Variants in DYNC2H1 observed in about 807,000 individuals in gnomAD.
The protein encoded by DYNC2H1 is dynein cytoplasmic 2 heavy chain 1.
A neutral mutation model predicts 570.0 loss-of-function variants in DYNC2H1; 410 were observed. The ratio of observed to expected loss-of-function variants is 0.72; its 90% CI spans 0.66 to 0.78. The LOEUF is 0.78. Among genes scored for constraint, DYNC2H1 ranks in the 30% least tolerant of loss-of-function variants. DYNC2H1 has a pLI of 0.00. For missense variants in DYNC2H1, 4,865 were observed against 5,046.4 expected (o/e 0.96, Z 1.09); for synonymous variants, 1,688 against 1,677.6 (o/e 1.01, Z -0.15).
Position 103,129,632 on chromosome 11 carries a change from C to T in DYNC2H1, c.1953+627C>T, listed in dbSNP as rs796349827. 1.3e-5 allele frequency among the ~76,000 whole-genome samples: 2 copies of T among 151,380 alleles called. No homozygotes were observed. The highest frequency in any genetic ancestry group is 4.9e-5 in the African/African-American group (2 of 41,156). ...CCAGGAGGTGGAGGTTGCAGTGGGT[C>T]GAGATCGTGCCACTGCACTCTAGCC... On this transcript the variant is annotated intron_variant, in intron 13 of 88. Transcript: ENST00000375735. This position sits in a 1 kb window ranked among gnomAD's most constrained non-coding sequence, Gnocchi z 4.1.
At chr11:103,405,998 A>T (rs984420034) in intron 84 of DYNC2H1, among the ~76,000 whole-genome samples, 3 of 152,164 alleles carry the variant, frequency 2.0e-5, no homozygotes, top group African/African-American at 7.2e-5. Context: ...CAGGAGAAGT[A>T]GATTGAAGCC....
At chr11:103,248,930 G>T (rs1275292454) in intron 65 of DYNC2H1, among the ~76,000 whole-genome samples, 1 of 151,964 alleles carries the variant, frequency 6.6e-6, no homozygotes, top group African/African-American at 2.4e-5. Context: ...TGTTGGTTCA[G>T]AAAACAATAG....
intron 84 of DYNC2H1, among the ~76,000 whole-genome samples, chr11:103,423,370 T>TGGTACTAGAGTAATTAAATAGCCAAA (rs1943554008): frequency 7.7e-6 from 1 of 130,620 alleles, no homozygotes; most frequent in Non-Finnish European, 1.7e-5. Context: ...CTTTAACAAA[T>TGGTACTAGAGTAATTAAATAGCCAAA]GGTACTAGAG....
intron 17 of DYNC2H1, 64 bp downstream of exon 17, chr11:103,136,012 T>C: frequency 2.3e-6 from 3 of 1,329,942 alleles, no homozygotes; most frequent in Non-Finnish European, 3.0e-6. Context: ...TGAATTTACA[T>C]TAAATGTATA....
intron 84 of DYNC2H1, among the ~76,000 whole-genome samples, chr11:103,429,361 A>C (rs1307137909): frequency 6.6e-6 from 1 of 152,204 alleles, no homozygotes; most frequent in Non-Finnish European, 1.5e-5. Context: ...AGATTCAAAA[A>C]ATGATTTATG....
intron 3 of DYNC2H1, 38 bp downstream of exon 3, chr11:103,114,276 G>T: frequency 1.3e-6 from 2 of 1,509,706 alleles, no homozygotes; most frequent in South Asian, 1.3e-5. Context: ...AGTACAAAAT[G>T]ATTGTCTCAT....
chr11:103,308,094 G>T (rs1156707079), intron 78 of DYNC2H1, among the ~76,000 whole-genome samples: 3 of 147,076 alleles, frequency 2.0e-5, no homozygotes, highest in Admixed American at 7.1e-5. Context: ...TAAGTGTGTA[G>T]TGCAATATGC....
At chr11:103,415,664 G>A (rs921141355) in intron 84 of DYNC2H1, among the ~76,000 whole-genome samples, 3 of 152,194 alleles carry the variant, frequency 2.0e-5, no homozygotes, top group African/African-American at 7.2e-5. Flanking sequence ...ATGCTAGAAA[G>A]GATGTGGAGA....
chr11:103,292,481 A>G (rs1208173902), intron 75 of DYNC2H1, among the ~76,000 whole-genome samples: 1 of 152,158 alleles, frequency 6.6e-6, no homozygotes, highest in Non-Finnish European at 1.5e-5. Context: ...AATTTATTGT[A>G]GTTAGTATTT....
At chr11:103,128,233 T>C (rs577939186) in intron 12 of DYNC2H1, among the ~76,000 whole-genome samples, 1 of 152,268 alleles carries the variant, frequency 6.6e-6, no homozygotes, top group South Asian at 2.1e-4. Flanking sequence ...TATTGGGAAG[T>C]CATTAGGTTT....
chr11:103,188,134 C>T (rs2135036024), intron 43 of DYNC2H1, among the ~76,000 whole-genome samples: 1 of 152,102 alleles, frequency 6.6e-6, no homozygotes, highest in East Asian at 1.9e-4. Context: ...TATTATGTAA[C>T]TGCAGAATAT....
intron 83 of DYNC2H1, among the ~76,000 whole-genome samples, chr11:103,386,149 A>C (rs970504755): frequency 2.0e-5 from 3 of 152,224 alleles, no homozygotes; most frequent in Non-Finnish European, 4.4e-5. Context: ...ATGTTATTCA[A>C]CATTTTTGGT....
At chr11:103,267,187 A>G (rs1446302033) in intron 70 of DYNC2H1, among the ~76,000 whole-genome samples, 1 of 152,004 alleles carries the variant, frequency 6.6e-6, no homozygotes, top group Non-Finnish European at 1.5e-5. Flanking sequence ...ACTGAGGGCC[A>G]GGAACAAGTC....
Position 103,156,687 on chromosome 11 carries a change from G to A in DYNC2H1, c.4044G>A (p.Lys1348=). ...AGAATTTAAATCATATTCAGAGAAA[G>A]TGGGTGTATTTGGAACCCATTTTCG... ...YLQNLNHIQR[K]WVYLEPIFGR... is the part of the protein sequence containing the mutation. Residue 1348 remains lysine (K), a synonymous_variant, in exon 26 of 89, where the codon AAG becomes AAA. Coordinates refer to ENST00000375735, the MANE Select transcript of DYNC2H1 (RefSeq NM_001377.3). The A allele has an allele frequency of 6.2e-7, 1 of 1,613,328 alleles. No homozygotes were observed. Among genetic ancestry groups the A allele is most frequent in the Non-Finnish European group, 8.5e-7 (1 of 1,179,636 alleles).
In DYNC2H1 at chr11:103,219,954, C is replaced by T; in HGVS notation, c.8872C>T (p.His2958Tyr). 4 of 1,512,036 alleles carry T rather than the reference C, an allele frequency of 2.6e-6. No individual in the cohort carries two copies. The highest frequency in any genetic ancestry group is 3.5e-6 in the Non-Finnish European group (4 of 1,138,906). 93.7% of individuals were successfully genotyped at this position (1,512,036 alleles called of 1,614,324 possible). A position where few individuals can be genotyped will look rare whatever the true frequency, so the allele number is the denominator to read the frequency against. Reference sequence around the variant, plus strand: ...AAAAACAGAACTTGAAAGACTGAAGCACAGAATAGCAGAAGAAGTTGTTAA... The same window carrying T: ...AAAAACAGAACTTGAAAGACTGAAGTACAGAATAGCAGAAGAAGTTGTTAA... ...EQKTELERLK[H>Y]RIAEEVVKIE... is the part of the protein sequence containing the mutation. The change falls in exon 56 of 89, where the codon CAC becomes TAC. Residue 2958 changes from histidine (H) to tyrosine (Y), a missense_variant. Coordinates refer to ENST00000375735, the MANE Select transcript of DYNC2H1 (RefSeq NM_001377.3).
intron 83 of DYNC2H1, among the ~76,000 whole-genome samples, chr11:103,383,911 C>T (rs1015019257): frequency 6.6e-6 from 1 of 152,132 alleles, no homozygotes; most frequent in Non-Finnish European, 1.5e-5. Flanking sequence ...GTAACTTCAT[C>T]TTCTATGCTC....
In DYNC2H1 at chr11:103,338,387, GT is replaced by G. The variant is rs569307845; in HGVS notation, c.12039+14405del. ...TTGTGGTTCCATATAAATGTTAGGA[GT>G]TTTTTTTCTATTTCTGTGAAGAATG... On this transcript the variant is annotated intron_variant, in intron 82 of 88. Transcript: ENST00000375735. 2.0e-5 allele frequency among the ~76,000 whole-genome samples: 3 copies of G among 152,014 alleles called. No homozygotes were observed. The South Asian group carries it at 6.2e-4, about 32-fold the overall frequency.
Position 103,398,747 on chromosome 11 carries a change from T to G in DYNC2H1, c.12157-916T>G, listed in dbSNP as rs1942497581. Among the ~76,000 whole-genome samples the G allele has an allele frequency of 2.0e-5, 3 of 151,978 alleles. No individual in the cohort carries two copies. The South Asian group carries it at 6.2e-4, about 32-fold the overall frequency. On this transcript the variant is annotated intron_variant, in intron 83 of 88. Transcript: ENST00000375735. ...CTTTTAATTATTGAAAGTGATTTTTTTTCTCTTAATAAGCTGTTTGGAAAC... is the reference window on the plus strand; with the variant it reads ...CTTTTAATTATTGAAAGTGATTTTTGTTCTCTTAATAAGCTGTTTGGAAAC...
chr11:103,443,757 A>C (rs1365691315), intron 85 of DYNC2H1, among the ~76,000 whole-genome samples: 2 of 151,868 alleles, frequency 1.3e-5, no homozygotes, highest in Non-Finnish European at 2.9e-5. Flanking sequence ...ATAAGTGAGA[A>C]AATATTATGT....
Sources: gnomAD v4.1 joint callset for allele counts (sites outside exome capture counted in the v4.1 genomes callset) on GRCh38, gnomAD v4.1.1 for gene constraint, Gnocchi (gnomAD v3.1) non-coding constraint, MANE v1.5 for transcripts, NCBI Gene and HGNC (gene_info 2026-07-23, HGNC 2026-07-21) for gene names.